Variants in SYNPO observed in about 807,000 individuals in gnomAD.
SYNPO encodes synaptopodin.
A neutral mutation model predicts 49.5 loss-of-function variants in SYNPO; 19 were observed. That is an observed-to-expected ratio of 0.38 (90% CI 0.27 to 0.56). The LOEUF (loss-of-function observed/expected upper bound fraction) is 0.56, where lower values mean the gene tolerates loss of function less well. Among genes scored for constraint, SYNPO ranks in the 20% least tolerant of loss-of-function variants. The probability of loss-of-function intolerance (pLI) is 0.68; values close to 1 mark genes in which losing one functional copy is unlikely to be tolerated. For synonymous variants in SYNPO, 536 were observed against 548.0 expected (o/e 0.98, Z 0.31); for missense variants, 1,131 against 1,248.3 (o/e 0.91, Z 1.42).
intron 1 of SYNPO, among the ~76,000 whole-genome samples, chr5:150,645,196 G>A (rs1201008137): frequency 6.6e-6 from 1 of 152,210 alleles, no homozygotes; most frequent in Non-Finnish European, 1.5e-5. Flanking sequence ...AGCTCTGAGA[G>A]TCCATGAATT....
intron 2 of SYNPO, among the ~76,000 whole-genome samples, chr5:150,623,788 T>C (rs2151376648): frequency 6.6e-6 from 1 of 152,198 alleles, no homozygotes; most frequent in South Asian, 2.1e-4. Flanking sequence ...AACACACAAC[T>C]CTTGATGCAA....
intron 1 of SYNPO, among the ~76,000 whole-genome samples, chr5:150,614,059 A>G (rs1756922254): frequency 6.6e-6 from 1 of 152,246 alleles, no homozygotes; most frequent in African/African-American, 2.4e-5. Context: ...TGTAGAGCCC[A>G]GCAGGTGAGC....
chr5:150,611,235 A>G (rs1359233363), intron 1 of SYNPO, among the ~76,000 whole-genome samples: 1 of 152,210 alleles, frequency 6.6e-6, no homozygotes, highest in Non-Finnish European at 1.5e-5. Flanking sequence ...TGTGAGCTTC[A>G]CGTGGGCAGA....
At chr5:150,586,993 T>C in the SYNPO span, among the ~76,000 whole-genome samples, 1 of 152,198 alleles carries the variant, frequency 6.6e-6, no homozygotes, top group East Asian at 1.9e-4. Flanking sequence ...GATGGATATA[T>C]GGGTGCATGG....
Position 150,656,955 on chromosome 5 carries a change from G to T in SYNPO, c.2580G>T (p.Val860=). The change falls in exon 3 of 3, where the codon GTG becomes GTT. Residue 860 remains valine, a synonymous_variant. Transcript: ENST00000307662. ...LYRRSPTDSD[V]SLDSEDSGAK... is the part of the protein sequence containing the mutation. ...GCCGCTCGCCCACGGACTCCGACGT[G>T]TCCCTCGACTCCGAGGACTCCGGGG... 6.3e-7 allele frequency: 1 copy of T among 1,587,180 alleles called. No homozygotes were observed. The highest frequency in any genetic ancestry group is 2.3e-5 in the East Asian group (1 of 43,338).
rs1241447304 is a variant in SYNPO at position 150,656,984 on chromosome 5, A to C, written c.2609A>C (p.Lys870Thr). 1 of 1,598,714 alleles carries C rather than the reference A, an allele frequency of 6.3e-7. No individual in the cohort carries two copies. The highest frequency in any genetic ancestry group is 8.5e-7 in the Non-Finnish European group (1 of 1,173,806). Residue 870 changes from lysine (K) to threonine (T), a missense_variant, in exon 3 of 3, where the codon AAG becomes ACG. Coordinates refer to ENST00000307662, the MANE Select transcript of SYNPO (RefSeq NM_007286.6). ...CTCGACTCCGAGGACTCCGGGGCTA[A>C]GTCTCCAGGCATCCTGGGCTACAAT... ...VSLDSEDSGA[K>T]SPGILGYNIC...
rs371858363 is a variant in SYNPO, at chr5:150,656,689, C to T, written c.2314C>T (p.Pro772Ser). The stretch of plus-strand genomic sequence containing the variant: ...TGCGGCCCGGCGCAAGAGCGCCTCC[C>T]CGCGGTCGGCGGGCGCCGAGAACCC... The part of the protein sequence containing the change: ...INAARRKSAS[P>S]RSAGAENPRP... Residue 772 changes from proline to serine, a missense_variant, in exon 3 of 3, where the codon CCG becomes TCG. Pro to Ser is a moderately conservative substitution (Grantham distance 74). This residue lies in a region of SYNPO where 509 missense variants were observed against 484.5 expected (regional missense o/e 1.05). Coordinates refer to ENST00000307662, the MANE Select transcript of SYNPO (RefSeq NM_007286.6). 2 of 1,457,802 alleles carry T rather than the reference C, an allele frequency of 1.4e-6. No homozygotes were observed. Among genetic ancestry groups the T allele is most frequent in the Admixed American group, 2.5e-5 (1 of 40,760 alleles). 90.3% of individuals were successfully genotyped at this position (1,457,802 alleles called of 1,614,324 possible).
chr5:150,627,832 A>G (rs1318684742), intron 2 of SYNPO, among the ~76,000 whole-genome samples: 2 of 151,902 alleles, frequency 1.3e-5, no homozygotes, highest in Non-Finnish European at 2.9e-5. Context: ...TTCCCAGAAG[A>G]TGGTCATGCT....
At chr5:150,646,654 T>C (rs1581506174) in intron 1 of SYNPO, among the ~76,000 whole-genome samples, 1 of 150,824 alleles carries the variant, frequency 6.6e-6, no homozygotes, top group South Asian at 2.1e-4. Flanking sequence ...GATCCCAGGA[T>C]GTCGAGGCTG....
At position 150,626,439 on chromosome 5, in the gene SYNPO, C is replaced by T. The variant is rs80179123; in HGVS notation, c.400+7672C>T. Among the ~76,000 whole-genome samples, 614 of 152,316 alleles carry T rather than the reference C, an allele frequency of 4.0e-3. 8 individuals carry two copies. The East Asian group carries it at 0.045, about 11-fold the overall frequency. Reference sequence around the variant, plus strand: ...TCTAGCTTGATATTCAAACTTCCCCCAGGAATGTTGTTTACCACTCTGGCT... The same window carrying T: ...TCTAGCTTGATATTCAAACTTCCCCTAGGAATGTTGTTTACCACTCTGGCT... On this transcript the variant is annotated intron_variant, in intron 2 of 2. Coordinates refer to the SYNPO transcript ENST00000394243.
exon 2 of SYNPO, chr5:150,618,697 A>C: frequency 6.4e-7 from 1 of 1,551,410 alleles, no homozygotes; most frequent in Non-Finnish European, 8.7e-7. Context: ...ACTGGGATGT[A>C]GTGAAGGCCG....
At chr5:150,635,697 A>C (rs1451649892), upstream of SYNPO, among the ~76,000 whole-genome samples, 4 of 152,140 alleles carry the variant, frequency 2.6e-5, no homozygotes, top group Admixed American at 1.3e-4. Flanking sequence ...TCCTGACCTC[A>C]AGTGATCTGC....
chr5:150,656,348 C>T, intron 2 of SYNPO, 56 bp from the exon 3 acceptor site: 1 of 1,376,044 alleles, frequency 7.3e-7, no homozygotes, highest in East Asian at 2.7e-5. Flanking sequence ...TCCTAAAGCC[C>T]GGTGTGGAAG....
At chr5:150,617,864 T>A (rs543872781) in intron 1 of SYNPO, among the ~76,000 whole-genome samples, 1 of 152,352 alleles carries the variant, frequency 6.6e-6, no homozygotes, top group South Asian at 2.1e-4. Flanking sequence ...GTAAGTGATT[T>A]CAAGTTGATT....
intron 2 of SYNPO, among the ~76,000 whole-genome samples, chr5:150,634,759 C>T (rs1194467295): frequency 2.0e-5 from 3 of 151,618 alleles, no homozygotes; most frequent in Non-Finnish European, 4.4e-5. Flanking sequence ...AGGTCACTGC[C>T]ATGAGCTGTA....
rs945917599 is a variant in SYNPO, at chr5:150,640,761, A to G, written c.-426A>G. 36 of 985,618 alleles carry G rather than the reference A, an allele frequency of 3.7e-5. No individual in the cohort carries two copies. In the African/African-American group the frequency reaches 5.8e-4, roughly 16 times the overall value. 61.1% of individuals were successfully genotyped at this position (985,618 alleles called of 1,614,324 possible). A position where few individuals can be genotyped will look rare whatever the true frequency, so the allele number is the denominator to read the frequency against. On this transcript the variant is annotated 5_prime_UTR_variant, in exon 1 of 3. Coordinates refer to ENST00000307662, the MANE Select transcript of SYNPO (RefSeq NM_007286.6). ...TTTTCCTGGCTTCGTCAGCCAAGCA[A>G]TTGGCTGCCTTTGCCGGAGGCTTTG...
At chr5:150,652,515 T>G (rs2151429911) in intron 2 of SYNPO, 1 of 663,428 alleles carries the variant, frequency 1.5e-6, no homozygotes, top group South Asian at 6.7e-5. Context: ...TACAGACGTG[T>G]GCTGGGTTGG....
At chr5:150,618,344 G>T in exon 2 of SYNPO, 1 of 1,527,944 alleles carries the variant, frequency 6.5e-7, no homozygotes, top group South Asian at 1.2e-5. Context: ...CTGCTTCCCT[G>T]CATCGCTGAG....
chr5:150,591,408 C>T, the SYNPO span, among the ~76,000 whole-genome samples: 1 of 152,170 alleles, frequency 6.6e-6, no homozygotes, highest in Non-Finnish European at 1.5e-5. Flanking sequence ...CAGGCCTGCC[C>T]CAGGGGCTGC....
Sources: gnomAD v4.1 joint callset for allele counts (sites outside exome capture counted in the v4.1 genomes callset) on GRCh38, gnomAD v4.1.1 for gene constraint, gnomAD v4.1.1 regional missense constraint, MANE v1.5 for transcripts, NCBI Gene and HGNC (gene_info 2026-07-23, HGNC 2026-07-21) for gene names.